The following SCUBE1 variants were observed in gnomAD, a reference collection of about 807,000 sequenced individuals.
The protein encoded by SCUBE1 is signal peptide, CUB and EGF-like domain-containing protein 1.
Under a neutral mutation model 124.4 loss-of-function variants are expected in SCUBE1, and 59 were observed. The ratio of observed to expected loss-of-function variants is 0.47; its 90% CI spans 0.38 to 0.59. SCUBE1 has a LOEUF of 0.59. Ranked by LOEUF, SCUBE1 falls within the 20% of genes least tolerant of loss-of-function variation. The pLI is 0.00. For missense variants in SCUBE1, 1,150 were observed against 1,371.2 expected, an observed-to-expected ratio of 0.84 and a Z score of 2.55; for synonymous variants, 545 against 550.9, an observed-to-expected ratio of 0.99 and a Z score of 0.15.
At chr22:43,209,975 G>T in intron 19 of SCUBE1, 68 bp downstream of exon 19, 1 of 1,492,174 alleles carries the variant, frequency 6.7e-7, no homozygotes, top group South Asian at 1.3e-5. Context: ...CCGCCTGGCA[G>T]AACCGCAGCG....
At chr22:43,212,042 A>G (rs1009971945) in intron 17 of SCUBE1, among the ~76,000 whole-genome samples, 1 of 152,050 alleles carries the variant, frequency 6.6e-6, no homozygotes, top group Non-Finnish European at 1.5e-5. Context: ...GTGGGACCAG[A>G]TGCCCTGAAC....
chr22:43,214,328 G>A, intron 15 of SCUBE1, 77 bp from the exon 16 acceptor site: 1 of 1,439,284 alleles, frequency 6.9e-7, no homozygotes, highest in Non-Finnish European at 9.5e-7. Context: ...CTCAAGCCCA[G>A]GCTCTCCTGA....
rs375296892 is a variant in SCUBE1, at chr22:43,244,137, C to T, written c.728-5183G>A. 1.4e-4 allele frequency among the ~76,000 whole-genome samples: 22 copies of T among 152,134 alleles called. No individual in the cohort carries two copies. In the South Asian group the frequency reaches 3.7e-3, roughly 26 times the overall value. On this transcript the variant is annotated intron_variant, in intron 6 of 21. Transcript: ENST00000360835. Reference sequence around the variant, plus strand: ...ACCTCGCCTTTCTCTCCTGGGTCTGCGCCTTCCTCTCACACTGCCCACCTC... The same window carrying T: ...ACCTCGCCTTTCTCTCCTGGGTCTGTGCCTTCCTCTCACACTGCCCACCTC...
At chr22:43,330,844 C>T (rs995926599) in intron 2 of SCUBE1, among the ~76,000 whole-genome samples, 1 of 152,168 alleles carries the variant, frequency 6.6e-6, no homozygotes, top group African/African-American at 2.4e-5. Flanking sequence ...TTCTTCCTTC[C>T]TGCTGGTCTG....
intron 2 of SCUBE1, among the ~76,000 whole-genome samples, chr22:43,327,173 G>T (rs1326812662): frequency 6.6e-6 from 1 of 152,150 alleles, no homozygotes; most frequent in African/African-American, 2.4e-5. Flanking sequence ...ACACAGGACT[G>T]CCCTGAGAGC....
rs1262117240 is a variant in SCUBE1 at position 43,211,265 on chromosome 22, T to C, written c.2222-182A>G. On this transcript the variant is annotated intron_variant, in intron 17 of 21. Coordinates refer to ENST00000360835, the MANE Select transcript of SCUBE1 (RefSeq NM_173050.5). This position sits in a 1 kb window ranked among gnomAD's most constrained non-coding sequence, Gnocchi z 4.5. ...ACTCCGCCATGGCCAGGAAGAGCCC[T>C]TGGCGTGGGGGTCACATGGCAGATT... Among the ~76,000 whole-genome samples the C allele has an allele frequency of 6.6e-6, 1 of 152,130 alleles. No homozygotes were observed. Among genetic ancestry groups the C allele is most frequent in the East Asian group, 1.9e-4 (1 of 5,188 alleles).
At chr22:43,315,019 AT>A (rs5845593) in intron 3 of SCUBE1, among the ~76,000 whole-genome samples, 97,766 of 151,740 alleles carry the variant, frequency 0.64, 32,010 homozygotes, top group African/African-American at 0.76. Context: ...AGAAATATTG[AT>A]TTTTTTTAAT....
rs1286314763 is a variant in SCUBE1, at chr22:43,228,054, CGA to C, written c.1085-560_1085-559del. Reference sequence around the variant, plus strand: ...CCCAGGGAAGGGGTGCCCAAGTTTTCGAGAGTCTTTCCAGAAGAATCTGTAGC... The same window carrying C: ...CCCAGGGAAGGGGTGCCCAAGTTTTCGAGTCTTTCCAGAAGAATCTGTAGC... On this transcript the variant is annotated intron_variant, in intron 9 of 21. Coordinates refer to ENST00000360835, the MANE Select transcript of SCUBE1 (RefSeq NM_173050.5). Among the ~76,000 whole-genome samples, 4 of 152,290 alleles carry C rather than the reference CGA, an allele frequency of 2.6e-5. No homozygotes were observed. In the East Asian group the frequency reaches 5.8e-4, roughly 22 times the overall value.
chr22:43,281,455 T>TCCCTCAGCCACCCTCCTGTCACCTCC (rs1924856694), intron 4 of SCUBE1, among the ~76,000 whole-genome samples: 5 of 53,638 alleles, frequency 9.3e-5, no homozygotes, highest in South Asian at 7.8e-4. Flanking sequence ...TCCTGTCATC[T>TCCCTCAGCCACCCTCCTGTCACCTCC]CCCTCAGCCA....
At chr22:43,233,402 G>A (rs139019) in intron 7 of SCUBE1, 1 of 152,206 alleles carries the variant, frequency 6.6e-6, no homozygotes, top group African/African-American at 2.4e-5. Flanking sequence ...TGCCTTTCAC[G>A]ACGGTGGTCT....
intron 3 of SCUBE1, among the ~76,000 whole-genome samples, chr22:43,293,607 C>T (rs72619551): frequency 0.092 from 13,975 of 152,298 alleles, 793 homozygotes; most frequent in Middle Eastern, 0.15. Flanking sequence ...GGGGTTAGTC[C>T]CATCTCTGGG....
rs1923743519 is a variant in SCUBE1 at position 43,258,338 on chromosome 22, A to G, written c.611-3T>C. 5 of 1,603,208 alleles carry G rather than the reference A, an allele frequency of 3.1e-6. No individual in the cohort carries two copies. The South Asian group carries it at 5.5e-5, about 18-fold the overall frequency. ...TCCGTTTCCATAATTACAGGTTACT[A>G]GTTAGGCCCAAAGTGTACACACGGG... On this transcript the variant is annotated splice_region_variant and splice_polypyrimidine_tract_variant and intron_variant, in intron 5 of 21. Coordinates refer to ENST00000360835, the MANE Select transcript of SCUBE1 (RefSeq NM_173050.5). The surrounding 1 kb of genome is among the most constrained non-coding windows in gnomAD (Gnocchi z 5.0).
intron 6 of SCUBE1, among the ~76,000 whole-genome samples, chr22:43,251,629 G>A (rs1243116605): frequency 6.6e-6 from 1 of 152,292 alleles, no homozygotes; most frequent in African/African-American, 2.4e-5. Flanking sequence ...GCGGGACAAG[G>A]AACGTGGGCA....
intron 2 of SCUBE1, among the ~76,000 whole-genome samples, chr22:43,332,165 G>C (rs777389547): frequency 3.2e-4 from 49 of 152,192 alleles, no homozygotes; most frequent in Admixed American, 1.3e-3. Flanking sequence ...GTGCGCACCT[G>C]TAGTCCCAGG....
intron 14 of SCUBE1, among the ~76,000 whole-genome samples, chr22:43,219,995 A>G (rs1922021285): frequency 6.6e-6 from 1 of 152,152 alleles, no homozygotes; most frequent in Non-Finnish European, 1.5e-5. Flanking sequence ...GACAGATCCC[A>G]TCTCTTCAAC....
intron 6 of SCUBE1, among the ~76,000 whole-genome samples, chr22:43,246,199 C>G (rs980052454): frequency 2.4e-4 from 37 of 152,282 alleles, no homozygotes; most frequent in African/African-American, 7.5e-4. Flanking sequence ...TCCCCCTGCC[C>G]TGCCTCCTTC....
At chr22:43,325,891 C>T (rs555217709) in intron 2 of SCUBE1, among the ~76,000 whole-genome samples, 4 of 151,630 alleles carry the variant, frequency 2.6e-5, no homozygotes, top group South Asian at 2.1e-4. Context: ...GCTGTGCTTC[C>T]GTGCCAGCAA....
chr22:43,328,251 G>A (rs1208104615), intron 2 of SCUBE1, among the ~76,000 whole-genome samples: 1 of 149,630 alleles, frequency 6.7e-6, no homozygotes, highest in Non-Finnish European at 1.5e-5. Context: ...GCCTGGTCAA[G>A]TGAAAATGGA....
At position 43,265,478 on chromosome 22, in the gene SCUBE1, G is replaced by A. The variant is rs182575535; in HGVS notation, c.485-2633C>T. 4.6e-5 allele frequency among the ~76,000 whole-genome samples: 7 copies of A among 152,256 alleles called. No homozygotes were observed. In the East Asian group the frequency reaches 5.8e-4, roughly 13 times the overall value. ...CTTGGGGAAGAGGGTGGAGCCCTTCGTCTCCCACCTAAAGACCCTGAGGTA... is the reference window on the plus strand; with the variant it reads ...CTTGGGGAAGAGGGTGGAGCCCTTCATCTCCCACCTAAAGACCCTGAGGTA... On this transcript the variant is annotated intron_variant, in intron 4 of 21. Transcript: ENST00000360835.
Sources: gnomAD v4.1 joint callset for allele counts (sites outside exome capture counted in the v4.1 genomes callset) on GRCh38, gnomAD v4.1.1 for gene constraint, Gnocchi (gnomAD v3.1) non-coding constraint, MANE v1.5 for transcripts, NCBI Gene and HGNC (gene_info 2026-07-23, HGNC 2026-07-21) for gene names.